USP7: variants seen among roughly 807,000 people sequenced by gnomAD.
USP7 encodes ubiquitin C-terminal hydrolase 7.
USP7 carries 9 observed loss-of-function variants against 162.9 expected under a neutral mutation model. The ratio of observed to expected loss-of-function variants is 0.06; its 90% CI spans 0.03 to 0.10. The LOEUF is 0.10. USP7 is among the 10% of genes least tolerant of loss of function. USP7 has a pLI of 1.00. For missense variants in USP7, 715 were observed against 1,373.7 expected (o/e 0.52, Z 7.58); for synonymous variants, 562 against 475.9 (o/e 1.18, Z -2.35).
intron 1 of USP7, among the ~76,000 whole-genome samples, chr16:8,951,376 T>G (rs920900519): frequency 6.6e-6 from 1 of 152,130 alleles, no homozygotes; most frequent in Non-Finnish European, 1.5e-5. Context: ...GCTGTCATCT[T>G]AAAGAAACTA....
rs1596359409 is a variant in USP7 at position 8,904,644 on chromosome 16, T to TAATAA, written c.1574-84_1574-80dup. 4 of 1,559,912 alleles carry TAATAA rather than the reference T, an allele frequency of 2.6e-6. No homozygotes were observed. The East Asian group carries it at 9.0e-5, about 35-fold the overall frequency. ...GAAGCTCCCGATTCTAGGTCATCATTAATAAAATAATCTATTAGGCCGGCG... is the reference window on the plus strand; with the variant it reads ...GAAGCTCCCGATTCTAGGTCATCATTAATAAAATAAAATAATCTATTAGGCCGGCG... On this transcript the variant is annotated intron_variant, in intron 14 of 30. Transcript: ENST00000344836.
intron 15 of USP7, 109 bp from the exon 16 acceptor site, chr16:8,903,511 AG>A: frequency 1.5e-6 from 2 of 1,328,430 alleles, no homozygotes; most frequent in Non-Finnish European, 2.0e-6. Flanking sequence ...TTTGTTCCAA[AG>A]AAACTTCTTC....
intron 1 of USP7, among the ~76,000 whole-genome samples, chr16:8,944,718 C>T (rs1452463775): frequency 2.6e-5 from 4 of 152,234 alleles, no homozygotes; most frequent in Non-Finnish European, 5.9e-5. Context: ...AGGTTTTAAT[C>T]CCCTTTAGAG....
intron 1 of USP7, among the ~76,000 whole-genome samples, chr16:8,948,874 G>C (rs1011554503): frequency 1.3e-5 from 2 of 152,154 alleles, no homozygotes; most frequent in African/African-American, 4.8e-5. Context: ...TGATGGGAGA[G>C]GATGGCTTTG....
chr16:8,953,623 CCCGTGCGGCG>C, intron 1 of USP7, among the ~76,000 whole-genome samples: 2 of 37,742 alleles, frequency 5.3e-5, no homozygotes, highest in African/African-American at 1.7e-4. Context: ...AGACACGTGC[CCCGTGCGGCG>C]CCACCGGAAG....
At position 8,896,886 on chromosome 16, in the gene USP7, G is replaced by A. The variant is rs941346719; in HGVS notation, c.2819+113C>T. 19 of 811,750 alleles carry A rather than the reference G, an allele frequency of 2.3e-5. No individual in the cohort carries two copies. In the African/African-American group the frequency reaches 3.0e-4, roughly 13 times the overall value. The allele number at this position is 811,750 out of a possible 1,614,324, so 50.3% of individuals were successfully genotyped here. On this transcript the variant is annotated intron_variant, in intron 26 of 30. Coordinates refer to ENST00000344836, the MANE Select transcript of USP7 (RefSeq NM_003470.3). ...ATGGAGGCACACCCCACTGAGTCTGGGAATGACGCGCATGGATCCCAGCTG... is the reference window on the plus strand; with the variant it reads ...ATGGAGGCACACCCCACTGAGTCTGAGAATGACGCGCATGGATCCCAGCTG...
intron 25 of USP7, among the ~76,000 whole-genome samples, chr16:8,897,605 G>A (rs1466905185): frequency 6.9e-6 from 1 of 145,906 alleles, no homozygotes; most frequent in Non-Finnish European, 1.5e-5. Context: ...CCTAATGCCT[G>A]TAATGCCAAC....
chr16:8,901,724 C>G (rs1383693590), intron 18 of USP7, among the ~76,000 whole-genome samples: 1 of 152,170 alleles, frequency 6.6e-6, no homozygotes, highest in Non-Finnish European at 1.5e-5. Flanking sequence ...TTGTGGCCGC[C>G]TTAGTACAGA....
At chr16:8,957,199 G>A (rs1005822105) in intron 1 of USP7, among the ~76,000 whole-genome samples, 3 of 152,208 alleles carry the variant, frequency 2.0e-5, no homozygotes, top group Admixed American at 6.5e-5. Context: ...TGAGGCATGT[G>A]TTAACTTACT....
chr16:8,941,654 C>T (rs539861406), intron 1 of USP7, among the ~76,000 whole-genome samples: 1 of 152,280 alleles, frequency 6.6e-6, no homozygotes, highest in Admixed American at 6.5e-5. Context: ...TGCTTGGTAC[C>T]AGGAAAGACA....
chr16:8,915,153 G>C (rs2062009213), intron 10 of USP7, 101 bp downstream of exon 10: 2 of 1,110,250 alleles, frequency 1.8e-6, no homozygotes, highest in African/African-American at 1.6e-5. Context: ...GCCATTCTCT[G>C]TGTTTAGACT....
intron 1 of USP7, among the ~76,000 whole-genome samples, chr16:8,960,624 T>C (rs925062240): frequency 3.9e-5 from 6 of 152,190 alleles, no homozygotes; most frequent in African/African-American, 1.4e-4. Flanking sequence ...GCTAGTTCGT[T>C]AGGAACCGAG....
intron 12 of USP7, among the ~76,000 whole-genome samples, chr16:8,907,285 A>C (rs1048892936): frequency 5.3e-5 from 8 of 152,240 alleles, no homozygotes; most frequent in African/African-American, 1.7e-4. Flanking sequence ...AAAGAAACAT[A>C]CCAACAGGTT....
chr16:8,897,726 A>AAAAAAAGAAATATAT (rs1555461671), intron 25 of USP7, among the ~76,000 whole-genome samples: 1 of 7,138 alleles, frequency 1.4e-4, no homozygotes, highest in Non-Finnish European at 2.3e-4. Flanking sequence ...AAAAAAAAAA[A>AAAAAAAGAAATATAT]ATATATATAT....
At chr16:8,912,449 C>CA (rs60623981) in intron 10 of USP7, among the ~76,000 whole-genome samples, 37,514 of 122,638 alleles carry the variant, frequency 0.31, 5,262 homozygotes, top group Admixed American at 0.38. Context: ...GACTCCATGT[C>CA]AAAAAAAAAA....
intron 1 of USP7, among the ~76,000 whole-genome samples, chr16:8,951,168 TTGCCACTGTTTGAC>T (rs1400022452): frequency 5.1e-5 from 2 of 38,882 alleles, no homozygotes; most frequent in Non-Finnish European, 1.2e-4. Context: ...AACTGTAGGC[TTGCCACTGTTTGAC>T]TGCTACAGTC....
chr16:8,897,715 AAAAAAAAAAAAATATAT>A (rs2061706120), intron 25 of USP7, among the ~76,000 whole-genome samples: 1 of 56,976 alleles, frequency 1.8e-5, no homozygotes, highest in Non-Finnish European at 3.4e-5. Context: ...AAAAAAAAAA[AAAAAAAAAAAAATATAT>A]ATATATATAT....
intron 1 of USP7, among the ~76,000 whole-genome samples, chr16:8,953,093 C>G (rs932781707): frequency 1.3e-5 from 2 of 152,070 alleles, no homozygotes; most frequent in Non-Finnish European, 2.9e-5. Context: ...CTTGGCCTCC[C>G]GAAATGCTGG....
At chr16:8,899,477 G>A in intron 22 of USP7, 127 bp downstream of exon 22, 1 of 1,212,644 alleles carries the variant, frequency 8.2e-7, no homozygotes, top group African/African-American at 1.5e-5. Context: ...CCATCAGTGG[G>A]AGATTTCCTC....
Sources: allele counts gnomAD v4.1 joint callset (sites outside exome capture counted in the v4.1 genomes callset), GRCh38; gene constraint gnomAD v4.1.1; transcripts MANE v1.5; gene names NCBI Gene and HGNC (gene_info 2026-07-23, HGNC 2026-07-21).